ABI3BP: variants seen among roughly 807,000 people sequenced by gnomAD.
ABI3BP encodes target of Nesh-SH3.
A neutral mutation model predicts 268.6 loss-of-function variants in ABI3BP; 216 were observed. The observed-to-expected ratio is 0.80, with a 90% CI of 0.72 to 0.90. ABI3BP has a LOEUF of 0.90. ABI3BP is among the 40% of genes least tolerant of loss of function. ABI3BP has a pLI of 0.00. For synonymous variants in ABI3BP, 730 were observed against 730.0 expected (o/e 1.00, Z 0.00); for missense variants, 2,090 against 2,182.4 (o/e 0.96, Z 0.84).
At chr3:100,825,985 T>C in intron 34 of ABI3BP, 141 bp from the exon 35 acceptor site, 1 of 668,206 alleles carries the variant, frequency 1.5e-6, no homozygotes, top group Non-Finnish European at 2.6e-6. Flanking sequence ...CTGAATTATA[T>C]TTCCACCCCT....
chr3:100,950,594 G>T (rs1319592654), intron 1 of ABI3BP, among the ~76,000 whole-genome samples: 1 of 152,028 alleles, frequency 6.6e-6, no homozygotes, highest in Non-Finnish European at 1.5e-5. Flanking sequence ...AAAGATGAAG[G>T]TCGAGGTGTT....
At chr3:100,812,214 A>G (rs984209172) in intron 46 of ABI3BP, among the ~76,000 whole-genome samples, 2 of 152,198 alleles carry the variant, frequency 1.3e-5, no homozygotes, top group African/African-American at 4.8e-5. Context: ...TCATATTGAA[A>G]GAGCAATCAG....
At chr3:100,835,732 T>A in intron 27 of ABI3BP, 72 bp from the exon 28 acceptor site, 6 of 1,204,654 alleles carry the variant, frequency 5.0e-6, no homozygotes, top group Non-Finnish European at 7.0e-6. Context: ...TGAAAATGAA[T>A]CTTCTTAACC....
At chr3:100,899,371 T>G (rs1040382861) in intron 3 of ABI3BP, among the ~76,000 whole-genome samples, 5 of 152,204 alleles carry the variant, frequency 3.3e-5, no homozygotes, top group South Asian at 4.1e-4. Context: ...ATTATCTAGA[T>G]TGTAGGTTAT....
rs2095247801 is a variant in ABI3BP at position 100,750,418 on chromosome 3, C to T, written c.*77G>A. The T allele has an allele frequency of 1.8e-6, 2 of 1,138,866 alleles. No individual in the cohort carries two copies. The highest frequency in any genetic ancestry group is 2.6e-6 in the Non-Finnish European group (2 of 772,314). The allele number at this position is 1,138,866 out of a possible 1,614,324, so 70.5% of individuals were successfully genotyped here. A position where few individuals can be genotyped will look rare whatever the true frequency, so the allele number is the denominator to read the frequency against. The stretch of plus-strand genomic sequence containing the variant: ...CTTTTATACATAGTAAACAAAATAG[C>T]TTTAAATGAATGCGGCATAGTATTT... On this transcript the variant is annotated 3_prime_UTR_variant, in exon 68 of 68. Transcript: ENST00000471714.
chr3:100,976,754 G>T lies in ABI3BP; in HGVS notation c.79+16552C>A, dbSNP rs530535925. Among the ~76,000 whole-genome samples, 37 of 152,316 alleles carry T rather than the reference G, an allele frequency of 2.4e-4. 1 individual carries two copies. Among genetic ancestry groups the T allele is most frequent in the Admixed American group, 1.4e-3 (22 of 15,306 alleles). The stretch of plus-strand genomic sequence containing the variant: ...CAAGTTTGTCCCAGGAGGCCCATTT[G>T]TTCCTCAGGGGAATTCGGGGATGTA... On this transcript the variant is annotated intron_variant, in intron 1 of 67. Transcript: ENST00000471714.
In ABI3BP at chr3:100,911,734, A is replaced by G. The variant is rs545708377; in HGVS notation, c.260-9048T>C. The G allele has an allele frequency of 6.5e-5, 56 of 864,132 alleles. No individual in the cohort carries two copies. In the South Asian group the frequency reaches 7.3e-4, roughly 11 times the overall value. The allele number at this position is 864,132 out of a possible 1,614,324, so 53.5% of individuals were successfully genotyped here. A position where few individuals can be genotyped will look rare whatever the true frequency, so the allele number is the denominator to read the frequency against. ...TGAAAAAGTCCTCTTTGAGGTTTCA[A>G]GGCATGTTTCAGTCGATGAGTAGCG... is the stretch of plus-strand genomic sequence containing the variant. On this transcript the variant is annotated intron_variant, in intron 2 of 67. Transcript: ENST00000471714.
intron 59 of ABI3BP, 98 bp downstream of exon 59, chr3:100,778,186 A>T (rs2096761400): frequency 3.4e-6 from 4 of 1,184,344 alleles, no homozygotes; most frequent in Non-Finnish European, 5.0e-6. Flanking sequence ...TGTCACACAC[A>T]TCAATAGTGT....
At chr3:100,890,968 T>C (rs2044349080) in intron 4 of ABI3BP, among the ~76,000 whole-genome samples, 1 of 146,512 alleles carries the variant, frequency 6.8e-6, no homozygotes, top group Non-Finnish European at 1.5e-5. Flanking sequence ...CTCGTGATAA[T>C]TTTCAAACTG....
At chr3:100,981,359 TG>T (rs1479113009) in intron 1 of ABI3BP, among the ~76,000 whole-genome samples, 2 of 151,946 alleles carry the variant, frequency 1.3e-5, no homozygotes, top group Non-Finnish European at 2.9e-5. Context: ...CAGGAGTGGC[TG>T]GGGGTGGAAG....
At chr3:100,815,842 C>T in intron 44 of ABI3BP, 70 bp downstream of exon 44, 1 of 1,131,790 alleles carries the variant, frequency 8.8e-7, no homozygotes, top group Non-Finnish European at 1.2e-6. Context: ...CAACTCTGGT[C>T]ATGACAGTGC....
chr3:100,867,608 T>C (rs1297085047), intron 9 of ABI3BP, among the ~76,000 whole-genome samples: 3 of 120,304 alleles, frequency 2.5e-5, no homozygotes, highest in African/African-American at 3.3e-5. Flanking sequence ...GCCATTGCAC[T>C]CCAGCCTGGG....
intron 36 of ABI3BP, 63 bp downstream of exon 36, chr3:100,824,795 C>A (rs897714154): frequency 8.1e-5 from 112 of 1,388,802 alleles, no homozygotes; most frequent in Non-Finnish European, 1.0e-4. Context: ...ATTGACACTG[C>A]TTCAGTCCCC....
chr3:100,883,838 A>C (rs2040588937), intron 6 of ABI3BP, among the ~76,000 whole-genome samples: 1 of 152,116 alleles, frequency 6.6e-6, no homozygotes. Flanking sequence ...AAGTGTTCAT[A>C]AACCTATCAT....
chr3:100,867,380 G>A (rs553830974), intron 9 of ABI3BP, among the ~76,000 whole-genome samples: 1 of 152,152 alleles, frequency 6.6e-6, no homozygotes, highest in Non-Finnish European at 1.5e-5. Flanking sequence ...GGTGGCTCAT[G>A]CTTGTAATCC....
chr3:100,938,675 T>C (rs760781052), intron 1 of ABI3BP, among the ~76,000 whole-genome samples: 13 of 152,120 alleles, frequency 8.5e-5, no homozygotes, highest in Non-Finnish European at 1.2e-4. Context: ...CCATGGCAGC[T>C]TCAGCTAAAT....
At position 100,829,638 on chromosome 3, in the gene ABI3BP, G is replaced by A. The variant is rs759389133; in HGVS notation, c.2485C>T (p.Arg829Cys). The A allele has an allele frequency of 1.5e-5, 23 of 1,535,582 alleles. No homozygotes were observed. Among genetic ancestry groups the A allele is most frequent in the African/African-American group, 4.1e-5 (3 of 72,960 alleles). ...GTGGTTTTAGGTTTGGGATGTGGACGATGAGTTCGTTGAGGCACTTTGGGA... is the reference window on the plus strand; with the variant it reads ...GTGGTTTTAGGTTTGGGATGTGGACAATGAGTTCGTTGAGGCACTTTGGGA... ...AAPKVPQRTH[R>C]PHPKPKTTLS... The change falls in exon 33 of 68, where the codon CGT becomes TGT. Residue 829 changes from arginine to cysteine, a missense_variant. Transcript: ENST00000471714.
intron 2 of ABI3BP, chr3:100,911,297 C>T (rs13079002): frequency 0.13 from 37,154 of 291,836 alleles, 2,776 homozygotes; most frequent in Non-Finnish European, 0.15. Context: ...TTTAAAGACA[C>T]AACACACGAA....
intron 4 of ABI3BP, among the ~76,000 whole-genome samples, chr3:100,897,118 G>C (rs987044665): frequency 6.6e-6 from 1 of 152,108 alleles, no homozygotes; most frequent in Non-Finnish European, 1.5e-5. Context: ...AATAGCCTTA[G>C]TGTAAGGGAA....
Sources: allele counts gnomAD v4.1 joint callset (sites outside exome capture counted in the v4.1 genomes callset), GRCh38; gene constraint gnomAD v4.1.1; transcripts MANE v1.5; gene names NCBI Gene and HGNC (gene_info 2026-07-23, HGNC 2026-07-21).